METTL16: variants seen among roughly 807,000 people sequenced by gnomAD.
METTL16 encodes the protein methyltransferase 16, RNA N6-adenosine, also known as RNA N(6)-adenosine-methyltransferase METTL16.
METTL16 carries 19 observed loss-of-function variants against 57.9 expected under a neutral mutation model. The observed-to-expected ratio is 0.33, with a 90% CI of 0.23 to 0.48. METTL16 has a LOEUF of 0.48. Ranked by LOEUF, METTL16 falls within the 20% of genes least tolerant of loss-of-function variation. The probability of loss-of-function intolerance (pLI) is 0.99; values close to 1 mark genes in which losing one functional copy is unlikely to be tolerated. For synonymous variants in METTL16, 246 were observed against 255.6 expected (o/e 0.96, Z 0.36); for missense variants, 434 against 691.5 (o/e 0.63, Z 4.18).
At chr17:2,482,283 C>T (rs960179707) in intron 2 of METTL16, among the ~76,000 whole-genome samples, 2 of 152,090 alleles carry the variant, frequency 1.3e-5, no homozygotes, top group Non-Finnish European at 2.9e-5. Flanking sequence ...AAGGAAATGA[C>T]GTTATTAGAG....
At position 2,510,024 on chromosome 17, in the gene METTL16, C is replaced by T. The variant is rs530519480; in HGVS notation, c.-1+1735G>A. On this transcript the variant is annotated intron_variant, in intron 1 of 9. Transcript: ENST00000263092. ...CCCAGGAGGTGGAGGTTGCAGTGAG[C>T]CAAGATCGTGCTACTGCACTCCAGC... Among the ~76,000 whole-genome samples the T allele has an allele frequency of 8.6e-5, 13 of 151,816 alleles. No homozygotes were observed. The South Asian group carries it at 2.7e-3, about 32-fold the overall frequency.
chr17:2,431,374 T>C (rs922093332), intron 8 of METTL16, among the ~76,000 whole-genome samples: 4 of 152,214 alleles, frequency 2.6e-5, no homozygotes, highest in African/African-American at 9.6e-5. Flanking sequence ...CTTTCTACTA[T>C]TTAGAGACAT....
downstream of METTL16, chr17:2,415,890 A>G (rs1444618406): frequency 1.3e-5 from 2 of 152,364 alleles, no homozygotes; most frequent in African/African-American, 4.8e-5. Context: ...CATTAACTAG[A>G]TATCAAGAAA....
intron 2 of METTL16, among the ~76,000 whole-genome samples, chr17:2,495,405 A>C (rs2067435983): frequency 6.6e-6 from 1 of 152,162 alleles, no homozygotes; most frequent in African/African-American, 2.4e-5. Context: ...AATATGAAAA[A>C]GATGATTTCG....
At chr17:2,494,945 T>A (rs2067431596) in intron 2 of METTL16, among the ~76,000 whole-genome samples, 1 of 151,736 alleles carries the variant, frequency 6.6e-6, no homozygotes, top group Non-Finnish European at 1.5e-5. Context: ...TTGCACATCT[T>A]ATTATTTAAG....
Position 2,452,859 on chromosome 17 carries a change from G to GT in METTL16, c.729-11301dup, listed in dbSNP as rs905206678. Reference sequence around the variant, plus strand: ...TGTATTGTTTTTTGTTTTTGTTTTTGTTTTTTTTAGACTTTTTTTCAGACA... The same window carrying GT: ...TGTATTGTTTTTTGTTTTTGTTTTTGTTTTTTTTTAGACTTTTTTTCAGACA... On this transcript the variant is annotated intron_variant, in intron 6 of 9. Coordinates refer to ENST00000263092, the MANE Select transcript of METTL16 (RefSeq NM_024086.4). Among the ~76,000 whole-genome samples the GT allele has an allele frequency of 3.3e-4, 50 of 151,404 alleles. 1 individual carries two copies. The highest frequency in any genetic ancestry group is 1.3e-3 in the South Asian group (6 of 4,772).
rs768961886 is a variant in METTL16, at chr17:2,420,150, C to G, written c.1509G>C (p.Arg503Ser). The G allele has an allele frequency of 1.9e-6, 3 of 1,614,122 alleles. No homozygotes were observed. The African/African-American group carries it at 4.0e-5, about 22-fold the overall frequency. The change falls in exon 10 of 10, where the codon AGG becomes AGC. Residue 503 changes from arginine to serine, a missense_variant. By Grantham distance (110) the Arg-to-Ser change is moderately radical. Around this residue, in one of 5 missense-constraint regions of METTL16, gnomAD observed 168 missense variants for 149.6 expected, o/e 1.12. Transcript: ENST00000263092. The surrounding 1 kb of genome is among the most constrained non-coding windows in gnomAD (Gnocchi z 5.4). ...SEQFGSPVAERGKRLPGVAGQ... is the reference protein window; with the variant it reads ...SEQFGSPVAESGKRLPGVAGQ... Reference sequence around the variant, plus strand: ...CGGCCACTCCTGGGAGACGTTTCCCCCTTTCAGCCACTGGGCTGCCGAACT... The same window carrying G: ...CGGCCACTCCTGGGAGACGTTTCCCGCTTTCAGCCACTGGGCTGCCGAACT...
chr17:2,452,308 T>G (rs185609696), intron 6 of METTL16, among the ~76,000 whole-genome samples: 2 of 152,282 alleles, frequency 1.3e-5, no homozygotes, highest in Admixed American at 1.3e-4. Flanking sequence ...AATACCACAC[T>G]GCGAATCATT....
chr17:2,459,975 T>A (rs1292007810), intron 6 of METTL16: 3 of 152,248 alleles, frequency 2.0e-5, no homozygotes, highest in Non-Finnish European at 2.9e-5. Context: ...CACTCCAGCC[T>A]GGGCAACAAG....
chr17:2,510,718 A>C (rs1192117653), intron 1 of METTL16, among the ~76,000 whole-genome samples: 2 of 151,838 alleles, frequency 1.3e-5, no homozygotes, highest in Non-Finnish European at 2.9e-5. Context: ...CCCAGAGTGC[A>C]ATGATGGAAT....
In METTL16 at chr17:2,503,378, G is replaced by A. The variant is rs181459433; in HGVS notation, c.1-1047C>T. Among the ~76,000 whole-genome samples the A allele has an allele frequency of 1.2e-4, 17 of 142,242 alleles. No individual in the cohort carries two copies. In the East Asian group the frequency reaches 2.7e-3, roughly 23 times the overall value. The allele number at this position is 142,242 out of a possible 152,430, so 93.3% of individuals were successfully genotyped here. ...TAATAAATATGGGTCAACAAAATAC[G>A]GTATATCCATACCCTAAATATGGAT... is the stretch of plus-strand genomic sequence containing the variant. On this transcript the variant is annotated intron_variant, in intron 1 of 9. Transcript: ENST00000263092.
chr17:2,452,153 A>AG (rs2067076004), intron 6 of METTL16, among the ~76,000 whole-genome samples: 1 of 151,946 alleles, frequency 6.6e-6, no homozygotes, highest in African/African-American at 2.4e-5. Context: ...AAAAAAAAAA[A>AG]AAAGATACTG....
At position 2,418,223 on chromosome 17, in the gene METTL16, C is replaced by G. The variant is rs1029473353; in HGVS notation, c.*1747G>C. 6.8e-6 allele frequency: 1 copy of G among 148,104 alleles called. No individual in the cohort carries two copies. Among genetic ancestry groups the G allele is most frequent in the Non-Finnish European group, 1.5e-5 (1 of 66,708 alleles). 9.2% of individuals were successfully genotyped at this position (148,104 alleles called of 1,614,324 possible). On this transcript the variant is annotated 3_prime_UTR_variant, in exon 10 of 10. Coordinates refer to ENST00000263092, the MANE Select transcript of METTL16 (RefSeq NM_024086.4). ...ACACACACACACACACACACACACA[C>G]ATGCTCACAGAGCTTTTAGAAGTAA... is the stretch of plus-strand genomic sequence containing the variant.
chr17:2,491,679 T>C (rs187103745), intron 2 of METTL16, among the ~76,000 whole-genome samples: 6 of 151,074 alleles, frequency 4.0e-5, no homozygotes, highest in Admixed American at 1.3e-4. Flanking sequence ...ATGGAGACCA[T>C]CCTGGCTAAC....
At chr17:2,479,596 T>G (rs2067290155) in intron 2 of METTL16, among the ~76,000 whole-genome samples, 1 of 152,158 alleles carries the variant, frequency 6.6e-6, no homozygotes, top group East Asian at 1.9e-4. Flanking sequence ...AAACAGCTTC[T>G]GGTCTGTACT....
At chr17:2,440,970 C>CAA (rs760521188) in intron 7 of METTL16, among the ~76,000 whole-genome samples, 135 of 34,032 alleles carry the variant, frequency 4.0e-3, no homozygotes, top group Middle Eastern at 0.031. Context: ...GACTTGATCT[C>CAA]AAAAAAAAAA....
At chr17:2,465,877 G>A (rs1343794703) in intron 5 of METTL16, among the ~76,000 whole-genome samples, 5 of 147,318 alleles carry the variant, frequency 3.4e-5, no homozygotes, top group Non-Finnish European at 7.4e-5. Flanking sequence ...CACACCCCCC[G>A]ACCTCAAAAA....
In METTL16 at chr17:2,420,911, G is replaced by T. The variant is rs377666558; in HGVS notation, c.889-7C>A. 5.7e-5 allele frequency: 91 copies of T among 1,608,834 alleles called. 1 individual carries two copies. The highest frequency in any genetic ancestry group is 5.5e-5 in the South Asian group (5 of 90,096). ...TTCGCTTACTTGGTGGTGACTGCAA[G>T]AAAAAGGAAGCATAGAAAAGAGAAG... On this transcript the variant is annotated splice_polypyrimidine_tract_variant and splice_region_variant and intron_variant, in intron 8 of 9. Transcript: ENST00000263092. This position sits in a 1 kb window ranked among gnomAD's most constrained non-coding sequence, Gnocchi z 5.4.
rs754947621 is a variant in METTL16, at chr17:2,490,328, C to T, written c.128+11876G>A. Among the ~76,000 whole-genome samples the T allele has an allele frequency of 4.9e-4, 75 of 152,144 alleles. No homozygotes were observed. In the Middle Eastern group the frequency reaches 0.01, roughly 21 times the overall value. On this transcript the variant is annotated intron_variant, in intron 2 of 9. Transcript: ENST00000263092. ...TTCTTTTTAATGACTGCACTGTACT[C>T]GCTTGGGGGGATGTATTACAGCTTT...
Sources: allele counts gnomAD v4.1 joint callset (sites outside exome capture counted in the v4.1 genomes callset), GRCh38; gene constraint gnomAD v4.1.1; regional missense constraint gnomAD v4.1.1; non-coding constraint Gnocchi (gnomAD v3.1); transcripts MANE v1.5; gene names NCBI Gene and HGNC (gene_info 2026-07-23, HGNC 2026-07-21).